The following NKD1 variants were observed in gnomAD, a reference collection of about 807,000 sequenced individuals.
The protein encoded by NKD1 is protein naked cuticle homolog 1.
Under a neutral mutation model 56.0 loss-of-function variants are expected in NKD1, and 21 were observed. The observed-to-expected ratio is 0.38, with a 90% CI of 0.27 to 0.54. The LOEUF (loss-of-function observed/expected upper bound fraction) is 0.54, where lower values mean the gene tolerates loss of function less well. Among genes scored for constraint, NKD1 ranks in the 20% least tolerant of loss-of-function variants. NKD1 has a pLI of 0.82. For synonymous variants in NKD1, 263 were observed against 265.7 expected (o/e 0.99, Z 0.10); for missense variants, 578 against 642.7 (o/e 0.90, Z 1.09).
At chr16:50,625,934 A>G (rs906620094) in intron 6 of NKD1, among the ~76,000 whole-genome samples, 3 of 152,180 alleles carry the variant, frequency 2.0e-5, no homozygotes, top group Non-Finnish European at 4.4e-5. Flanking sequence ...CCACAGTCCC[A>G]GAGCTCTAGG....
chr16:50,548,778 G>A, intron 2 of NKD1, 29 bp downstream of exon 2: 2 of 1,381,576 alleles, frequency 1.4e-6, no homozygotes, highest in Non-Finnish European at 1.9e-6. Flanking sequence ...CAGACCTCGG[G>A]GATGGACGCG....
chr16:50,603,565 C>A (rs528027505), intron 3 of NKD1, among the ~76,000 whole-genome samples: 137 of 152,370 alleles, frequency 9.0e-4, no homozygotes, highest in African/African-American at 3.2e-3. Context: ...CGGGAGTTTG[C>A]TTTGAAACCC....
intron 3 of NKD1, among the ~76,000 whole-genome samples, chr16:50,567,821 A>G (rs997125089): frequency 2.6e-5 from 4 of 152,224 alleles, no homozygotes; most frequent in African/African-American, 9.6e-5. Flanking sequence ...CCCTGTGGTT[A>G]ACAGCAAATT....
intron 3 of NKD1, chr16:50,571,640 G>A (rs1567337276): frequency 4.1e-6 from 2 of 491,294 alleles, no homozygotes; most frequent in Non-Finnish European, 5.3e-6. Context: ...AGAGCTGCCA[G>A]ATGGACACCT....
At chr16:50,581,175 A>G (rs1032931112) in intron 3 of NKD1, among the ~76,000 whole-genome samples, 3 of 152,226 alleles carry the variant, frequency 2.0e-5, no homozygotes, top group African/African-American at 7.2e-5. Flanking sequence ...CTTACCAGGG[A>G]CAATATTTCC....
chr16:50,567,302 C>T (rs1960782828), intron 3 of NKD1, among the ~76,000 whole-genome samples: 1 of 152,228 alleles, frequency 6.6e-6, no homozygotes, highest in Non-Finnish European at 1.5e-5. Context: ...TCTGGATCTG[C>T]TGCTGTGTTC....
chr16:50,570,016 G>A (rs1960847748), intron 3 of NKD1, among the ~76,000 whole-genome samples: 1 of 152,156 alleles, frequency 6.6e-6, no homozygotes, highest in Admixed American at 6.5e-5. Context: ...GGCGGGTCTG[G>A]ATTGGGAGTG....
chr16:50,573,635 C>T (rs1033647291), intron 3 of NKD1, among the ~76,000 whole-genome samples: 2 of 152,194 alleles, frequency 1.3e-5, no homozygotes, highest in African/African-American at 4.8e-5. Context: ...GCAGATGTAC[C>T]GCTTCCTGAG....
intron 3 of NKD1, among the ~76,000 whole-genome samples, chr16:50,578,470 T>A (rs565613039): frequency 6.6e-6 from 1 of 152,284 alleles, no homozygotes; most frequent in South Asian, 2.1e-4. Flanking sequence ...TACCTGAGCC[T>A]CCTTTTCTGC....
At chr16:50,594,671 CT>C (rs1027681710) in intron 3 of NKD1, among the ~76,000 whole-genome samples, 14 of 152,306 alleles carry the variant, frequency 9.2e-5, no homozygotes, top group Admixed American at 4.6e-4. Flanking sequence ...TTTCATTCTC[CT>C]GCACCAGGCT....
At chr16:50,618,842 G>C (rs1962023386) in intron 4 of NKD1, among the ~76,000 whole-genome samples, 1 of 152,170 alleles carries the variant, frequency 6.6e-6, no homozygotes. Flanking sequence ...GGGCCACACT[G>C]GTCTTTGGGG....
At chr16:50,574,534 G>A (rs891362941) in intron 3 of NKD1, 5 of 985,370 alleles carry the variant, frequency 5.1e-6, no homozygotes, top group South Asian at 9.4e-5. Flanking sequence ...AGGCACGGCC[G>A]AATGGCAGTG....
intron 3 of NKD1, among the ~76,000 whole-genome samples, chr16:50,600,545 AAG>A (rs966213407): frequency 3.9e-5 from 6 of 152,122 alleles, no homozygotes; most frequent in African/African-American, 1.4e-4. Context: ...CTAGGTTAAA[AAG>A]AGAGAGAGAG....
chr16:50,583,131 C>A (rs1961154291), intron 3 of NKD1, among the ~76,000 whole-genome samples: 1 of 152,192 alleles, frequency 6.6e-6, no homozygotes, highest in East Asian at 1.9e-4. Flanking sequence ...CAACTTGTTG[C>A]CCTCCCACTG....
At chr16:50,568,359 G>T (rs1596710864) in intron 3 of NKD1, among the ~76,000 whole-genome samples, 2 of 152,218 alleles carry the variant, frequency 1.3e-5, no homozygotes, top group Admixed American at 6.5e-5. Context: ...CCTATGGGGG[G>T]CCCCAGCTGG....
chr16:50,631,975 TAGA>T (rs1962355194), intron 8 of NKD1, among the ~76,000 whole-genome samples: 1 of 152,250 alleles, frequency 6.6e-6, no homozygotes, highest in African/African-American at 2.4e-5. Flanking sequence ...GGGGCATTCC[TAGA>T]AGTTGACCAA....
intron 3 of NKD1, among the ~76,000 whole-genome samples, chr16:50,577,878 CTGAT>C (rs1298349985): frequency 6.6e-6 from 1 of 152,186 alleles, no homozygotes; most frequent in Non-Finnish European, 1.5e-5. Flanking sequence ...GAGGTGGTGA[CTGAT>C]CTGATTTAGC....
intron 3 of NKD1, among the ~76,000 whole-genome samples, chr16:50,602,013 T>C (rs541724217): frequency 1.3e-5 from 2 of 152,248 alleles, no homozygotes; most frequent in South Asian, 2.1e-4. Flanking sequence ...CTCTGCCCTT[T>C]GATGAGGATT....
intron 3 of NKD1, chr16:50,556,617 C>T (rs1960509353): frequency 6.6e-6 from 1 of 152,184 alleles, no homozygotes; most frequent in African/African-American, 2.4e-5. Flanking sequence ...GGTGTGGCCT[C>T]AGCCAAAGGC....
Sources: allele counts gnomAD v4.1 joint callset (sites outside exome capture counted in the v4.1 genomes callset), GRCh38; gene constraint gnomAD v4.1.1; transcripts MANE v1.5; gene names NCBI Gene and HGNC (gene_info 2026-07-23, HGNC 2026-07-21).